Variants in GRIK4 observed in about 807,000 individuals in gnomAD.
GRIK4 encodes glutamate ionotropic receptor kainate type subunit 4.
A neutral mutation model predicts 104.9 loss-of-function variants in GRIK4; 40 were observed. The ratio of observed to expected loss-of-function variants is 0.38; its 90% confidence interval spans 0.30 to 0.50. The LOEUF (loss-of-function observed/expected upper bound fraction) is 0.50. GRIK4 is among the 20% of genes least tolerant of loss of function. The pLI, the probability that GRIK4 is intolerant of heterozygous loss-of-function variation, is 0.93. For missense variants in GRIK4, 1,047 were observed against 1,308.1 expected (o/e 0.80, Z 3.08); for synonymous variants, 485 against 524.9 (o/e 0.92, Z 1.04).
At chr11:120,947,648 T>A (rs1478641840) in intron 14 of GRIK4, among the ~76,000 whole-genome samples, 1 of 152,214 alleles carries the variant, frequency 6.6e-6, no homozygotes, top group Non-Finnish European at 1.5e-5. Context: ...GCCCATATAA[T>A]GGAAATATGG....
At chr11:120,518,844 C>T (rs149236689) in intron 1 of GRIK4, among the ~76,000 whole-genome samples, 2 of 152,160 alleles carry the variant, frequency 1.3e-5, no homozygotes, top group Non-Finnish European at 2.9e-5. Context: ...GTCTCAAACT[C>T]GTGACCTCAG....
At chr11:120,852,941 A>G (rs1219740022) in intron 8 of GRIK4, among the ~76,000 whole-genome samples, 7 of 152,182 alleles carry the variant, frequency 4.6e-5, no homozygotes, top group Non-Finnish European at 7.4e-5. Context: ...CAGGCTGCCA[A>G]TGGGGTGAGA....
chr11:120,886,669 C>A (rs79584273), intron 11 of GRIK4, among the ~76,000 whole-genome samples: 3,986 of 152,158 alleles, frequency 0.026, 156 homozygotes, highest in African/African-American at 0.089. Context: ...AGAACTACCA[C>A]GAATAATGGA....
chr11:120,677,022 C>T (rs796520555), intron 3 of GRIK4, among the ~76,000 whole-genome samples: 34 of 152,342 alleles, frequency 2.2e-4, no homozygotes, highest in African/African-American at 7.5e-4. Flanking sequence ...GATCATCAAC[C>T]ATTTTGCATA....
chr11:120,599,437 C>T (rs2135126678), intron 1 of GRIK4, among the ~76,000 whole-genome samples: 1 of 152,224 alleles, frequency 6.6e-6, no homozygotes, highest in South Asian at 2.1e-4. Context: ...CACAGCATGC[C>T]CTGGTTTCTC....
chr11:120,815,367 G>T lies in GRIK4; in HGVS notation c.248-11G>T, dbSNP rs372463256. The stretch of plus-strand genomic sequence containing the variant: ...CTTTGCTTCTTTCCCTGTCCCTGCC[G>T]CTGGCTGCAGTGTGTCAGATCCTCC... On this transcript the variant is annotated splice_polypyrimidine_tract_variant and intron_variant, in intron 4 of 20. Coordinates refer to ENST00000527524, the MANE Select transcript of GRIK4 (RefSeq NM_014619.5). 1.6e-5 allele frequency: 24 copies of T among 1,500,398 alleles called. No homozygotes were observed. In the East Asian group the frequency reaches 3.0e-4, roughly 18 times the overall value. 92.9% of individuals were successfully genotyped at this position (1,500,398 alleles called of 1,614,324 possible).
intron 3 of GRIK4, among the ~76,000 whole-genome samples, chr11:120,686,818 A>G (rs547532103): frequency 1.3e-5 from 2 of 152,372 alleles, no homozygotes; most frequent in South Asian, 2.1e-4. Context: ...TGATCCACGC[A>G]TAGGCAGAGC....
rs1370425857 is a variant in GRIK4, at chr11:120,533,523, G to C, written c.-159+21636G>C. Reference sequence around the variant, plus strand: ...TGTCTGGCCCAAGGATGTTACACCAGGGTTGGGTCATTGGGGCATCTGCAG... The same window carrying C: ...TGTCTGGCCCAAGGATGTTACACCACGGTTGGGTCATTGGGGCATCTGCAG... On this transcript the variant is annotated intron_variant, in intron 1 of 20. Transcript: ENST00000527524. 2.6e-5 allele frequency among the ~76,000 whole-genome samples: 4 copies of C among 152,200 alleles called. No individual in the cohort carries two copies. The East Asian group carries it at 5.8e-4, about 22-fold the overall frequency.
At chr11:120,841,490 C>A (rs890204625) in intron 8 of GRIK4, among the ~76,000 whole-genome samples, 15 of 152,160 alleles carry the variant, frequency 9.9e-5, no homozygotes, top group African/African-American at 2.7e-4. Flanking sequence ...CACACACATA[C>A]CAGATTTTGT....
intron 3 of GRIK4, among the ~76,000 whole-genome samples, chr11:120,732,188 G>C (rs1040510458): frequency 6.6e-6 from 1 of 152,112 alleles, no homozygotes; most frequent in Admixed American, 6.5e-5. Flanking sequence ...CTGCAGTGCA[G>C]TGGTGCATTC....
At chr11:120,847,571 A>G (rs1438820115) in intron 8 of GRIK4, among the ~76,000 whole-genome samples, 2 of 152,230 alleles carry the variant, frequency 1.3e-5, no homozygotes, top group Non-Finnish European at 2.9e-5. Context: ...ACACACAGTT[A>G]ATGGCTCATG....
intron 3 of GRIK4, among the ~76,000 whole-genome samples, chr11:120,683,569 C>T (rs12292453): frequency 0.071 from 10,772 of 152,132 alleles, 729 homozygotes; most frequent in African/African-American, 0.18. Context: ...TATTCAGAGC[C>T]GTGGGACCAG....
intron 20 of GRIK4, among the ~76,000 whole-genome samples, 172 bp from the exon 21 acceptor site, chr11:120,985,732 C>T (rs1029628536): frequency 6.6e-6 from 1 of 151,738 alleles, no homozygotes. Context: ...GGTGTTTGAA[C>T]ATTAAATGGG....
chr11:120,899,254 T>TA (rs919871197), intron 12 of GRIK4, among the ~76,000 whole-genome samples: 136 of 149,982 alleles, frequency 9.1e-4, no homozygotes, highest in South Asian at 3.4e-3. Context: ...CTGTCTCTAC[T>TA]AAAAAAAAAT....
At chr11:120,562,463 G>T (rs1948251112) in intron 1 of GRIK4, among the ~76,000 whole-genome samples, 1 of 152,166 alleles carries the variant, frequency 6.6e-6, no homozygotes, top group Admixed American at 6.5e-5. Context: ...TGGAGGAGGT[G>T]ATGCCTGAGC....
intron 13 of GRIK4, among the ~76,000 whole-genome samples, chr11:120,916,195 T>A (rs547765765): frequency 6.6e-6 from 1 of 152,316 alleles, no homozygotes; most frequent in Admixed American, 6.5e-5. Context: ...ACCTCGTTTT[T>A]CAGACTAAGA....
intron 6 of GRIK4, among the ~76,000 whole-genome samples, chr11:120,828,135 G>A (rs1342148172): frequency 2.0e-5 from 3 of 152,128 alleles, no homozygotes; most frequent in African/African-American, 7.2e-5. Context: ...TTCCCCCACA[G>A]TCTCTACATC....
intron 8 of GRIK4, among the ~76,000 whole-genome samples, chr11:120,841,601 C>G (rs894539856): frequency 3.9e-5 from 6 of 152,130 alleles, no homozygotes; most frequent in African/African-American, 1.2e-4. Context: ...CTGTTCAAGT[C>G]CCTGCTTTCA....
intron 7 of GRIK4, 112 bp from the exon 8 acceptor site, chr11:120,836,679 G>T (rs1458175062): frequency 1.3e-6 from 1 of 750,750 alleles, no homozygotes; most frequent in East Asian, 2.4e-5. Flanking sequence ...GTTCTGCCTG[G>T]TGCCAAGGGG....
Sources: gnomAD v4.1 joint callset for allele counts (sites outside exome capture counted in the v4.1 genomes callset) on GRCh38, gnomAD v4.1.1 for gene constraint, MANE v1.5 for transcripts, NCBI Gene and HGNC (gene_info 2026-07-23, HGNC 2026-07-21) for gene names.